Variants in DPP6 observed in about 807,000 individuals in gnomAD.
DPP6 encodes the protein dipeptidyl peptidase like 6, also known as A-type potassium channel modulatory protein DPP6.
In DPP6, 69 loss-of-function variants were observed where a neutral mutation model predicts 122.6. The observed-to-expected ratio is 0.56, with a 90% confidence interval of 0.46 to 0.69. The LOEUF is 0.69. Among genes scored for constraint, DPP6 ranks in the 30% least tolerant of loss-of-function variants. DPP6 has a pLI of 0.00. For synonymous variants in DPP6, 418 were observed against 433.1 expected (o/e 0.97, Z 0.43); for missense variants, 928 against 1,116.9 (o/e 0.83, Z 2.41).
chr7:154,559,678 A>G (rs1470506871), intron 4 of DPP6, among the ~76,000 whole-genome samples: 1 of 152,082 alleles, frequency 6.6e-6, no homozygotes, highest in Non-Finnish European at 1.5e-5. Context: ...GCCAGAGGAC[A>G]TTGGAATGAG....
chr7:154,645,605 C>T lies in DPP6; in HGVS notation c.680+7732C>T, dbSNP rs1008930616. Reference sequence around the variant, plus strand: ...CTACTTGTGTAGTCATGAAACAGTTCCTTTGCTCCTCTGGGCACACTTACT... The same window carrying T: ...CTACTTGTGTAGTCATGAAACAGTTTCTTTGCTCCTCTGGGCACACTTACT... On this transcript the variant is annotated intron_variant, in intron 6 of 25. Coordinates refer to ENST00000377770, the MANE Select transcript of DPP6 (RefSeq NM_130797.4). 6.6e-5 allele frequency among the ~76,000 whole-genome samples: 10 copies of T among 152,266 alleles called. No individual in the cohort carries two copies. In the South Asian group the frequency reaches 8.3e-4, roughly 13 times the overall value.
At chr7:154,239,540 C>T (rs2150869719) in intron 1 of DPP6, among the ~76,000 whole-genome samples, 1 of 138,642 alleles carries the variant, frequency 7.2e-6, no homozygotes, top group South Asian at 2.1e-4. Context: ...CTAGCAGTCA[C>T]TTTATTGTAA....
At chr7:154,431,120 G>A (rs1818326829) in intron 1 of DPP6, among the ~76,000 whole-genome samples, 1 of 152,172 alleles carries the variant, frequency 6.6e-6, no homozygotes, top group Admixed American at 6.5e-5. Flanking sequence ...TCAGAGGAAG[G>A]AGGAACGCAA....
At chr7:154,435,738 C>T (rs1301145554) in intron 1 of DPP6, among the ~76,000 whole-genome samples, 2 of 152,182 alleles carry the variant, frequency 1.3e-5, no homozygotes, top group South Asian at 2.1e-4. Context: ...GAGATATGTG[C>T]ACCATTGATT....
chr7:153,886,017 A>AT (rs957075445), upstream of DPP6, among the ~76,000 whole-genome samples: 59 of 151,818 alleles, frequency 3.9e-4, no homozygotes, highest in African/African-American at 1.4e-3. Flanking sequence ...ACAAACGGAG[A>AT]TTTTTTTGTG....
At chr7:154,433,533 G>A (rs1402126908) in intron 1 of DPP6, among the ~76,000 whole-genome samples, 1 of 151,888 alleles carries the variant, frequency 6.6e-6, no homozygotes, top group African/African-American at 2.4e-5. Flanking sequence ...CTCCCACCCT[G>A]TCCCCAGAGA....
chr7:154,500,515 G>C (rs547096363), intron 3 of DPP6, among the ~76,000 whole-genome samples: 1 of 152,068 alleles, frequency 6.6e-6, no homozygotes. Context: ...TTATGGGGGC[G>C]GATCTTTCCT....
chr7:154,014,528 G>A lies in DPP6; in HGVS notation c.51+126794G>A, dbSNP rs2533849. 4.6e-5 allele frequency among the ~76,000 whole-genome samples: 7 copies of A among 151,800 alleles called. No homozygotes were observed. In the East Asian group the frequency reaches 7.8e-4, roughly 17 times the overall value. ...AAATTAACCATGTGTGGTGGCACAC[G>A]CGTGTAGTCCCAGCTACTTGGGAGG... On this transcript the variant is annotated intron_variant, in intron 1 of 25. Coordinates refer to the DPP6 transcript ENST00000404039.
chr7:154,312,675 C>T (rs564024787), intron 1 of DPP6, among the ~76,000 whole-genome samples: 1 of 152,144 alleles, frequency 6.6e-6, no homozygotes, highest in Non-Finnish European at 1.5e-5. Flanking sequence ...AATGGGAACA[C>T]CGTGGTGATG....
chr7:154,822,812 C>G (rs537674332), intron 16 of DPP6, among the ~76,000 whole-genome samples: 3 of 152,294 alleles, frequency 2.0e-5, no homozygotes, highest in Admixed American at 2.0e-4. Flanking sequence ...CTCTCTTGCA[C>G]GTTTCACTCC....
rs779505042 is a variant in DPP6, at chr7:154,877,730, C to T, written c.2078+1630C>T. On this transcript the variant is annotated intron_variant, in intron 20 of 25. Coordinates refer to ENST00000377770, the MANE Select transcript of DPP6 (RefSeq NM_130797.4). The surrounding 1 kb of genome is among the most constrained non-coding windows in gnomAD (Gnocchi z 5.2). ...GCAGACAGCAAACCTCTCCTTCCAT[C>T]TCCCTGGCCCTCCCCTGCCCATTCC... Among the ~76,000 whole-genome samples the T allele has an allele frequency of 3.9e-4, 59 of 152,360 alleles. 1 individual carries two copies. The highest frequency in any genetic ancestry group is 6.8e-4 in the Non-Finnish European group (46 of 68,028).
In DPP6 at chr7:154,709,645, G is replaced by A. The variant is rs563155174; in HGVS notation, c.763-18122G>A. ...AAATACTTGTAGTCACAGTTTGGTG[G>A]CTTTTGCTGTGCTGTTTTCCAGCTT... On this transcript the variant is annotated intron_variant, in intron 7 of 25. Coordinates refer to ENST00000377770, the MANE Select transcript of DPP6 (RefSeq NM_130797.4). Among the ~76,000 whole-genome samples the A allele has an allele frequency of 3.3e-5, 5 of 149,680 alleles. No individual in the cohort carries two copies. In the East Asian group the frequency reaches 9.8e-4, roughly 29 times the overall value.
intron 1 of DPP6, among the ~76,000 whole-genome samples, chr7:154,033,148 C>G (rs185461777): frequency 6.6e-6 from 1 of 152,170 alleles, no homozygotes; most frequent in East Asian, 1.9e-4. Context: ...CAGTACCCCA[C>G]AAGTGATAGA....
chr7:154,712,401 G>C (rs1000959098), intron 7 of DPP6, among the ~76,000 whole-genome samples: 1 of 152,108 alleles, frequency 6.6e-6, no homozygotes, highest in African/African-American at 2.4e-5. Context: ...CTCTTCTTTA[G>C]TTAGAAAATT....
chr7:154,710,823 A>C (rs1841131736), intron 7 of DPP6, among the ~76,000 whole-genome samples: 1 of 152,028 alleles, frequency 6.6e-6, no homozygotes, highest in Admixed American at 6.6e-5. Flanking sequence ...TCCAGTGAAG[A>C]CTCTCCTGTG....
At chr7:154,259,947 T>G (rs1039318068) in intron 1 of DPP6, among the ~76,000 whole-genome samples, 12 of 152,240 alleles carry the variant, frequency 7.9e-5, no homozygotes, top group African/African-American at 2.9e-4. Context: ...CAGCCAGGGC[T>G]GCGGCATGAG....
upstream of DPP6, among the ~76,000 whole-genome samples, chr7:153,884,987 A>AATACATATATATATATATATAT (rs1209555021): frequency 2.2e-4 from 26 of 116,460 alleles, no homozygotes; most frequent in African/African-American, 5.5e-4. Flanking sequence ...TCAAAACAAA[A>AATACATATATATATATATATAT]ATATATATAT....
chr7:154,219,306 C>T (rs1800173951), intron 1 of DPP6, among the ~76,000 whole-genome samples: 1 of 152,194 alleles, frequency 6.6e-6, no homozygotes, highest in South Asian at 2.1e-4. Context: ...AATCTGCCTA[C>T]TCAGGCAGTA....
intron 1 of DPP6, among the ~76,000 whole-genome samples, chr7:154,065,185 G>C (rs1014016810): frequency 1.5e-4 from 23 of 152,080 alleles, no homozygotes; most frequent in Non-Finnish European, 3.1e-4. Context: ...GCAGCAGCTG[G>C]AAGGACAGAC....
Sources: allele counts gnomAD v4.1 joint callset (sites outside exome capture counted in the v4.1 genomes callset), GRCh38; gene constraint gnomAD v4.1.1; non-coding constraint Gnocchi (gnomAD v3.1); transcripts MANE v1.5; gene names NCBI Gene and HGNC (gene_info 2026-07-23, HGNC 2026-07-21).